CNBP: variants seen among roughly 807,000 people sequenced by gnomAD.
CNBP encodes the protein CCHC-type zinc finger nucleic acid binding protein.
A neutral mutation model predicts 21.2 loss-of-function variants in CNBP; 6 were observed. The ratio of observed to expected loss-of-function variants is 0.28; its 90% CI spans 0.16 to 0.56. The LOEUF (loss-of-function observed/expected upper bound fraction) is 0.56, where lower values mean the gene tolerates loss of function less well. Ranked by LOEUF, CNBP falls within the 20% of genes least tolerant of loss-of-function variation. The probability of loss-of-function intolerance (pLI) is 0.93; values close to 1 mark genes in which losing one functional copy is unlikely to be tolerated. For synonymous variants in CNBP, 61 were observed against 74.9 expected, an observed-to-expected ratio of 0.81 and a Z score of 0.96; for missense variants, 112 against 233.1, an observed-to-expected ratio of 0.48 and a Z score of 3.38.
At chr3:129,175,932 C>A (rs576620830) in intron 1 of CNBP, among the ~76,000 whole-genome samples, 1 of 152,288 alleles carries the variant, frequency 6.6e-6, no homozygotes, top group East Asian at 1.9e-4. Flanking sequence ...CTAACCCTAT[C>A]GCAGTGAATC....
At chr3:129,180,920 A>G (rs1938243085) in intron 1 of CNBP, among the ~76,000 whole-genome samples, 1 of 152,110 alleles carries the variant, frequency 6.6e-6, no homozygotes, top group African/African-American at 2.4e-5. Context: ...TACGTGCCAC[A>G]TATTTTTATT....
Position 129,169,085 on chromosome 3 carries a change from G to A in CNBP, c.*1368C>T, listed in dbSNP as rs757530455. Among the ~76,000 whole-genome samples, 1 of 150,722 alleles carries A rather than the reference G, an allele frequency of 6.6e-6. No homozygotes were observed. Among genetic ancestry groups the A allele is most frequent in the Admixed American group, 6.6e-5 (1 of 15,118 alleles). ...CCACTACACTCCAGCCTGGGCAACAGAGCGACACTCTGTCTCAAAAAAAAA... is the reference window on the plus strand; with the variant it reads ...CCACTACACTCCAGCCTGGGCAACAAAGCGACACTCTGTCTCAAAAAAAAA... On this transcript the variant is annotated 3_prime_UTR_variant, in exon 5 of 5. Transcript: ENST00000422453.
At position 129,177,343 on chromosome 3, in the gene CNBP, C is replaced by G. The variant is rs376136994; in HGVS notation, c.-14-5572G>C. ...CCTGACACTGTAAGAGATTTTGGAA[C>G]CATACTCAACCTGGGTTAATCACTT... is the stretch of plus-strand genomic sequence containing the variant. On this transcript the variant is annotated intron_variant, in intron 1 of 4. Coordinates refer to ENST00000422453, the MANE Select transcript of CNBP (RefSeq NM_003418.5). 2.0e-5 allele frequency among the ~76,000 whole-genome samples: 3 copies of G among 152,134 alleles called. No individual in the cohort carries two copies. In the East Asian group the frequency reaches 5.8e-4, roughly 29 times the overall value.
intron 1 of CNBP, among the ~76,000 whole-genome samples, chr3:129,183,183 C>A (rs945337709): frequency 6.6e-6 from 1 of 152,102 alleles, no homozygotes; most frequent in Non-Finnish European, 1.5e-5. Context: ...CTCCTGACCT[C>A]GTGATCCGCC....
intron 1 of CNBP, among the ~76,000 whole-genome samples, chr3:129,181,643 C>A (rs1184711871): frequency 0.012 from 2 of 162 alleles, no homozygotes; most frequent in Non-Finnish European, 0.038. Flanking sequence ...GAGTGAGACT[C>A]CGTCTCAGAA....
chr3:129,172,668 A>AGCCAGGCAGGCAGGCAGG (rs1560035054), intron 1 of CNBP, among the ~76,000 whole-genome samples: 1 of 112,100 alleles, frequency 8.9e-6, no homozygotes, highest in African/African-American at 3.5e-5. Context: ...AGACAGACAG[A>AGCCAGGCAGGCAGGCAGG]CAGACAGACA....
chr3:129,180,417 G>A (rs1382963393), intron 1 of CNBP, among the ~76,000 whole-genome samples: 1 of 152,174 alleles, frequency 6.6e-6, no homozygotes, highest in Non-Finnish European at 1.5e-5. Flanking sequence ...TGCTTCACTA[G>A]TTAACACCTC....
At chr3:129,170,754 G>A (rs971759964) in intron 4 of CNBP, among the ~76,000 whole-genome samples, 184 bp from the exon 5 acceptor site, 20 of 152,152 alleles carry the variant, frequency 1.3e-4, no homozygotes, top group Admixed American at 1.0e-3. Context: ...AACAGGCAAA[G>A]ATTTCTGGTT....
At chr3:129,179,488 A>G (rs1222321751) in intron 1 of CNBP, among the ~76,000 whole-genome samples, 2 of 152,268 alleles carry the variant, frequency 1.3e-5, no homozygotes, top group African/African-American at 2.4e-5. Context: ...TAACAGCTGG[A>G]TATCTATGAG....
At chr3:129,179,767 G>A (rs575363502) in intron 1 of CNBP, among the ~76,000 whole-genome samples, 57 of 152,334 alleles carry the variant, frequency 3.7e-4, no homozygotes, top group African/African-American at 1.3e-3. Context: ...AGGAGGTGGA[G>A]GCTGCAGTGA....
intron 1 of CNBP, among the ~76,000 whole-genome samples, chr3:129,176,953 A>C (rs1937945263): frequency 6.6e-6 from 1 of 152,184 alleles, no homozygotes; most frequent in African/African-American, 2.4e-5. Flanking sequence ...TGAAAATTAG[A>C]TTTCAGATTA....
At chr3:129,175,151 C>G (rs759657589) in intron 1 of CNBP, among the ~76,000 whole-genome samples, 1 of 152,010 alleles carries the variant, frequency 6.6e-6, no homozygotes, top group Middle Eastern at 3.4e-3. Context: ...TGGTGAAACC[C>G]CAAATCTACT....
chr3:129,180,865 T>C (rs1938240627), intron 1 of CNBP, among the ~76,000 whole-genome samples: 1 of 152,040 alleles, frequency 6.6e-6, no homozygotes, highest in African/African-American at 2.4e-5. Flanking sequence ...ATTAGTCCAA[T>C]GGTGGTTTCA....
At chr3:129,183,342 TC>T (rs930320332) in intron 1 of CNBP, among the ~76,000 whole-genome samples, 3 of 151,568 alleles carry the variant, frequency 2.0e-5, no homozygotes, top group African/African-American at 7.3e-5. Context: ...ACCCACCCCA[TC>T]CCCCCTTCAT....
At chr3:129,179,019 T>C (rs1449407766) in intron 1 of CNBP, among the ~76,000 whole-genome samples, 1 of 152,156 alleles carries the variant, frequency 6.6e-6, no homozygotes, top group Non-Finnish European at 1.5e-5. Flanking sequence ...GGCTCACACC[T>C]GTAATCCCAG....
At chr3:129,172,656 GCAGACAGACAGACAGA>G (rs1169469064) in intron 1 of CNBP, among the ~76,000 whole-genome samples, 3 of 112,594 alleles carry the variant, frequency 2.7e-5, no homozygotes, top group African/African-American at 1.0e-4. Context: ...AGGCAGGCAG[GCAGACAGACAGACAGA>G]CAGACAGACA....
chr3:129,180,539 A>T (rs1938219407), intron 1 of CNBP, among the ~76,000 whole-genome samples: 1 of 152,184 alleles, frequency 6.6e-6, no homozygotes, highest in Non-Finnish European at 1.5e-5. Context: ...TTCTCACTTT[A>T]TTATCTCAGT....
chr3:129,173,455 T>C (rs1937676148), intron 1 of CNBP, among the ~76,000 whole-genome samples: 1 of 152,182 alleles, frequency 6.6e-6, no homozygotes. Flanking sequence ...CCTACAGCAC[T>C]GGCAACATTT....
intron 1 of CNBP, among the ~76,000 whole-genome samples, chr3:129,183,491 C>A (rs537529898): frequency 2.0e-5 from 3 of 152,370 alleles, no homozygotes; most frequent in East Asian, 1.9e-4. Context: ...CCTCCTCTGC[C>A]CTAAGCCTGC....
Sources: gnomAD v4.1 joint callset for allele counts (sites outside exome capture counted in the v4.1 genomes callset) on GRCh38, gnomAD v4.1.1 for gene constraint, MANE v1.5 for transcripts, NCBI Gene and HGNC (gene_info 2026-07-23, HGNC 2026-07-21) for gene names.